TMEM132D: variants seen among roughly 807,000 people sequenced by gnomAD.
TMEM132D encodes transmembrane protein 132D.
TMEM132D carries 21 observed loss-of-function variants against 62.3 expected under a neutral mutation model. The ratio of observed to expected loss-of-function variants is 0.34; its 90% CI spans 0.24 to 0.49. The LOEUF (loss-of-function observed/expected upper bound fraction) is 0.49, where lower values mean the gene tolerates loss of function less well. TMEM132D is among the 20% of genes least tolerant of loss of function. The pLI is 0.99. For synonymous variants in TMEM132D, 621 were observed against 575.6 expected (o/e 1.08, Z -1.13); for missense variants, 1,346 against 1,402.8 (o/e 0.96, Z 0.65).
chr12:129,747,423 C>A lies in TMEM132D; in HGVS notation c.80-46725G>T, dbSNP rs554448706. 2.7e-4 allele frequency among the ~76,000 whole-genome samples: 41 copies of A among 151,234 alleles called. 2 individuals are homozygous for A. In the South Asian group the frequency reaches 8.3e-3, roughly 31 times the overall value. ...ACTCAGACACACACACATTCTCACA[C>A]ACACAGACACACACACTCTCAGTCA... is the stretch of plus-strand genomic sequence containing the variant. On this transcript the variant is annotated intron_variant, in intron 1 of 8. Transcript: ENST00000422113.
At chr12:129,781,219 C>A (rs1425945738) in intron 1 of TMEM132D, among the ~76,000 whole-genome samples, 2 of 152,122 alleles carry the variant, frequency 1.3e-5, no homozygotes, top group Non-Finnish European at 2.9e-5. Context: ...GCTCTTTATG[C>A]ATAAATGTTT....
intron 3 of TMEM132D, among the ~76,000 whole-genome samples, chr12:129,512,269 A>G (rs1215830049): frequency 6.6e-6 from 1 of 152,192 alleles, no homozygotes; most frequent in Non-Finnish European, 1.5e-5. Flanking sequence ...TGGCCCAGGG[A>G]GAGGCACAGG....
At chr12:129,866,582 T>C (rs532988402) in intron 1 of TMEM132D, among the ~76,000 whole-genome samples, 1 of 151,094 alleles carries the variant, frequency 6.6e-6, no homozygotes, top group Non-Finnish European at 1.5e-5. Context: ...CCCTAGAACT[T>C]AAAGTATAAT....
chr12:129,772,424 AG>A (rs1333076807), intron 1 of TMEM132D, among the ~76,000 whole-genome samples: 1 of 152,194 alleles, frequency 6.6e-6, no homozygotes, highest in Non-Finnish European at 1.5e-5. Flanking sequence ...AGTATCATAT[AG>A]GGGGGAAAAG....
At chr12:129,486,723 C>A (rs1874591144) in intron 3 of TMEM132D, among the ~76,000 whole-genome samples, 1 of 152,144 alleles carries the variant, frequency 6.6e-6, no homozygotes, top group Non-Finnish European at 1.5e-5. Flanking sequence ...GCCTGTGGTT[C>A]TTCTCACTTG....
At chr12:129,244,372 C>T (rs1247193669) in intron 4 of TMEM132D, among the ~76,000 whole-genome samples, 5 of 113,558 alleles carry the variant, frequency 4.4e-5, no homozygotes, top group Admixed American at 4.1e-4. Flanking sequence ...GGCGACAGAG[C>T]GAGACTCTGT....
At chr12:129,177,649 T>C (rs1877942253) in intron 5 of TMEM132D, among the ~76,000 whole-genome samples, 1 of 152,142 alleles carries the variant, frequency 6.6e-6, no homozygotes, top group South Asian at 2.1e-4. Context: ...TTCCAGCTAC[T>C]TGGGAGGCTG....
intron 4 of TMEM132D, among the ~76,000 whole-genome samples, chr12:129,317,673 A>C (rs574922778): frequency 5.3e-4 from 81 of 152,166 alleles, no homozygotes; most frequent in Non-Finnish European, 1.0e-3. Context: ...TGCTTCTCGT[A>C]TTGGAACGTC....
At chr12:129,726,667 G>A (rs1454294373) in intron 1 of TMEM132D, among the ~76,000 whole-genome samples, 1 of 152,156 alleles carries the variant, frequency 6.6e-6, no homozygotes, top group African/African-American at 2.4e-5. Context: ...GGTAGACAGA[G>A]GGGTGAGGGT....
At chr12:129,233,669 C>A (rs1254828981) in intron 4 of TMEM132D, among the ~76,000 whole-genome samples, 1 of 151,788 alleles carries the variant, frequency 6.6e-6, no homozygotes, top group African/African-American at 2.4e-5. Context: ...TCTTGTTGCC[C>A]AGGCTGGAGT....
intron 1 of TMEM132D, among the ~76,000 whole-genome samples, chr12:129,786,566 C>T (rs919240406): frequency 1.3e-5 from 2 of 151,990 alleles, no homozygotes; most frequent in Non-Finnish European, 2.9e-5. Context: ...GCTCTTCATC[C>T]AACTGGATGG....
At chr12:129,522,961 T>C (rs982178001) in intron 3 of TMEM132D, among the ~76,000 whole-genome samples, 1 of 151,528 alleles carries the variant, frequency 6.6e-6, no homozygotes, top group Admixed American at 6.6e-5. Context: ...TATATATATA[T>C]ATACATAGAT....
At chr12:129,540,599 C>T (rs1876558132) in intron 2 of TMEM132D, among the ~76,000 whole-genome samples, 1 of 152,006 alleles carries the variant, frequency 6.6e-6, no homozygotes, top group Non-Finnish European at 1.5e-5. Context: ...AATTCTCATG[C>T]CTCAGTCTCC....
At chr12:129,095,750 G>A (rs1875091371) in intron 5 of TMEM132D, among the ~76,000 whole-genome samples, 1 of 152,172 alleles carries the variant, frequency 6.6e-6, no homozygotes, top group Admixed American at 6.5e-5. Flanking sequence ...AACACAGTGA[G>A]AAGCAGCTGC....
chr12:129,890,543 T>C (rs1006116340), intron 1 of TMEM132D, among the ~76,000 whole-genome samples: 3 of 152,182 alleles, frequency 2.0e-5, no homozygotes, highest in Admixed American at 2.0e-4. Flanking sequence ...GTGGGATCTG[T>C]TGTCAGCAGT....
In TMEM132D at chr12:129,337,592, C is replaced by T. The variant is rs770428602; in HGVS notation, c.1299+42G>A. On this transcript the variant is annotated intron_variant, in intron 4 of 8. Coordinates refer to ENST00000422113, the MANE Select transcript of TMEM132D (RefSeq NM_133448.3). ...AGTGCGGCGCCGGCGCCTTCCCCTC[C>T]CCCGAGTTCAGTTCTAACAGCCCAG... is the stretch of plus-strand genomic sequence containing the variant. 10 of 1,609,312 alleles carry T rather than the reference C, an allele frequency of 6.2e-6. No homozygotes were observed. The East Asian group carries it at 2.2e-4, about 36-fold the overall frequency.
At chr12:129,190,918 C>A (rs553556599) in intron 5 of TMEM132D, among the ~76,000 whole-genome samples, 1 of 152,282 alleles carries the variant, frequency 6.6e-6, no homozygotes, top group East Asian at 1.9e-4. Flanking sequence ...CCCCCTCAGA[C>A]CTCAGGACAG....
At chr12:129,430,840 T>C (rs924276743) in intron 3 of TMEM132D, among the ~76,000 whole-genome samples, 1 of 152,176 alleles carries the variant, frequency 6.6e-6, no homozygotes, top group African/African-American at 2.4e-5. Flanking sequence ...GTTCTTTTAT[T>C]CACTCCTTAA....
chr12:129,829,695 A>G (rs1872771018), intron 1 of TMEM132D, among the ~76,000 whole-genome samples: 1 of 152,160 alleles, frequency 6.6e-6, no homozygotes, highest in African/African-American at 2.4e-5. Flanking sequence ...TGAGGCTGGA[A>G]AGCTTCACTG....
Sources: gnomAD v4.1 joint callset for allele counts (sites outside exome capture counted in the v4.1 genomes callset) on GRCh38, gnomAD v4.1.1 for gene constraint, MANE v1.5 for transcripts, NCBI Gene and HGNC (gene_info 2026-07-23, HGNC 2026-07-21) for gene names.